The following NAV2 variants were observed in gnomAD, a reference collection of about 807,000 sequenced individuals.
The protein encoded by NAV2 is neuron navigator 2.
NAV2 carries 54 observed loss-of-function variants against 223.2 expected under a neutral mutation model. The ratio of observed to expected loss-of-function variants is 0.24; its 90% CI spans 0.19 to 0.30. The LOEUF (loss-of-function observed/expected upper bound fraction) is 0.30. NAV2 is among the 10% of genes least tolerant of loss of function. The pLI is 1.00. For synonymous variants in NAV2, 1,279 were observed against 1,239.3 expected (o/e 1.03, Z -0.67); for missense variants, 2,806 against 3,147.5 (o/e 0.89, Z 2.60).
intron 1 of NAV2, among the ~76,000 whole-genome samples, chr11:19,380,828 G>A (rs1848813661): frequency 6.6e-6 from 1 of 152,190 alleles, no homozygotes; most frequent in African/African-American, 2.4e-5. Context: ...CAACTGTCCT[G>A]CTTTGCCTGG....
At chr11:19,396,717 G>A (rs566800366) in intron 1 of NAV2, among the ~76,000 whole-genome samples, 3 of 152,148 alleles carry the variant, frequency 2.0e-5, no homozygotes, top group South Asian at 2.1e-4. Flanking sequence ...AGTGGTCCGT[G>A]GGGCCTCCAG....
At chr11:19,986,073 T>C (rs866158404) in intron 11 of NAV2, among the ~76,000 whole-genome samples, 1 of 152,226 alleles carries the variant, frequency 6.6e-6, no homozygotes, top group East Asian at 1.9e-4. Context: ...CCTTACAAGA[T>C]ACAGTTTTCC....
intron 1 of NAV2, among the ~76,000 whole-genome samples, chr11:19,545,158 G>A (rs189189439): frequency 6.6e-6 from 1 of 152,294 alleles, no homozygotes; most frequent in African/African-American, 2.4e-5. Flanking sequence ...AGCCCTCCAC[G>A]CCAGTGTGGG....
At chr11:19,402,895 A>G (rs1849746653) in intron 1 of NAV2, among the ~76,000 whole-genome samples, 1 of 152,248 alleles carries the variant, frequency 6.6e-6, no homozygotes, top group Non-Finnish European at 1.5e-5. Context: ...CATAGAGATA[A>G]GAGGGAAAAG....
intron 1 of NAV2, among the ~76,000 whole-genome samples, chr11:19,668,532 C>CA (rs762975832): frequency 0.058 from 3,724 of 64,638 alleles, 344 homozygotes; most frequent in African/African-American, 0.12. Context: ...GACTCGGTCT[C>CA]AAAAAAAAAA....
At chr11:19,514,611 G>T (rs563530771) in intron 1 of NAV2, among the ~76,000 whole-genome samples, 57 of 152,108 alleles carry the variant, frequency 3.7e-4, no homozygotes, top group Non-Finnish European at 4.1e-4. Flanking sequence ...CTTAGGGGAT[G>T]GTCCCTAAAT....
chr11:19,958,685 C>T (rs565499914), intron 10 of NAV2, among the ~76,000 whole-genome samples: 16 of 152,350 alleles, frequency 1.1e-4, no homozygotes, highest in East Asian at 3.9e-4. Flanking sequence ...CAGCAGGGTT[C>T]GCTACCATAT....
chr11:19,959,935 A>G (rs1214508518), intron 10 of NAV2, among the ~76,000 whole-genome samples: 3 of 152,058 alleles, frequency 2.0e-5, no homozygotes, highest in Non-Finnish European at 2.9e-5. Context: ...GGGGCTCTTC[A>G]CTGGCAAGCA....
At chr11:20,041,480 G>GTAT (rs769709011) in intron 12 of NAV2, among the ~76,000 whole-genome samples, 11 of 152,302 alleles carry the variant, frequency 7.2e-5, no homozygotes, top group Non-Finnish European at 1.5e-4. Flanking sequence ...TATGCTACTA[G>GTAT]TATTAGCACC....
At chr11:19,474,156 G>A (rs1424287158) in intron 1 of NAV2, among the ~76,000 whole-genome samples, 2 of 152,220 alleles carry the variant, frequency 1.3e-5, no homozygotes, top group East Asian at 3.9e-4. Context: ...AAGTAGAAGG[G>A]TATGAGAACC....
chr11:19,558,196 T>C (rs1403260733), intron 1 of NAV2, among the ~76,000 whole-genome samples: 1 of 152,200 alleles, frequency 6.6e-6, no homozygotes, highest in African/African-American at 2.4e-5. Flanking sequence ...TTTTCAGTTA[T>C]CTATTGCTGC....
chr11:19,415,135 C>CA (rs1436955503), intron 1 of NAV2, among the ~76,000 whole-genome samples: 4 of 151,924 alleles, frequency 2.6e-5, no homozygotes, highest in African/African-American at 9.7e-5. Flanking sequence ...AAAAACCCTT[C>CA]AAAAAATCAA....
intron 1 of NAV2, among the ~76,000 whole-genome samples, chr11:19,470,076 G>T (rs1034523357): frequency 1.3e-5 from 2 of 152,220 alleles, no homozygotes; most frequent in Non-Finnish European, 2.9e-5. Flanking sequence ...CTGAGGTAGG[G>T]GTGGAAGACC....
intron 8 of NAV2, 51 bp downstream of exon 8, chr11:19,939,824 C>G (rs373028906): frequency 1.8e-5 from 24 of 1,328,588 alleles, no homozygotes; most frequent in Non-Finnish European, 2.5e-5. Context: ...AGGCCTTCCA[C>G]GCAATACCTG....
intron 11 of NAV2, among the ~76,000 whole-genome samples, chr11:20,021,572 A>G (rs147572129): frequency 2.3e-3 from 354 of 152,298 alleles, no homozygotes; most frequent in Admixed American, 5.1e-3. Context: ...CAGGGACAGC[A>G]TAGAAGGTAA....
intron 1 of NAV2, among the ~76,000 whole-genome samples, chr11:19,355,127 C>T (rs149921835): frequency 6.6e-6 from 1 of 152,212 alleles, no homozygotes; most frequent in East Asian, 1.9e-4. Context: ...CTGACAGACA[C>T]CTATTGATCA....
intron 1 of NAV2, among the ~76,000 whole-genome samples, chr11:19,619,811 T>G (rs2046928678): frequency 6.6e-6 from 1 of 152,020 alleles, no homozygotes; most frequent in South Asian, 2.1e-4. Context: ...TTGCTTTTGG[T>G]GTTTTAGTCA....
At chr11:19,388,090 T>C (rs1234933533) in intron 1 of NAV2, among the ~76,000 whole-genome samples, 1 of 152,188 alleles carries the variant, frequency 6.6e-6, no homozygotes, top group Non-Finnish European at 1.5e-5. Context: ...GTATAACTAA[T>C]TTCCTAGGAG....
At chr11:20,079,163 C>T (rs2059939640) in intron 24 of NAV2, among the ~76,000 whole-genome samples, 1 of 152,240 alleles carries the variant, frequency 6.6e-6, no homozygotes, top group Admixed American at 6.5e-5. Flanking sequence ...GCCTCCACCT[C>T]CTGAGTAGCT....
Sources: gnomAD v4.1 joint callset for allele counts (sites outside exome capture counted in the v4.1 genomes callset) on GRCh38, gnomAD v4.1.1 for gene constraint, MANE v1.5 for transcripts, NCBI Gene and HGNC (gene_info 2026-07-23, HGNC 2026-07-21) for gene names.